Variants in FLRT2 observed in about 807,000 individuals in gnomAD.
FLRT2 encodes fibronectin leucine rich transmembrane protein 2, also known as leucine-rich repeat transmembrane protein FLRT2.
FLRT2 carries 15 observed loss-of-function variants against 40.0 expected under a neutral mutation model. The observed-to-expected ratio is 0.38, with a 90% CI of 0.25 to 0.58. FLRT2 has a LOEUF of 0.58. Among genes scored for constraint, FLRT2 ranks in the 20% least tolerant of loss-of-function variants. FLRT2 has a pLI of 0.71. For missense variants in FLRT2, 726 were observed against 840.0 expected (o/e 0.86, Z 1.68); for synonymous variants, 380 against 336.8 (o/e 1.13, Z -1.41).
chr14:85,619,820 G>T lies in FLRT2; in HGVS notation c.-376-1319G>T, dbSNP rs142857371. Among the ~76,000 whole-genome samples the T allele has an allele frequency of 2.4e-4, 37 of 152,292 alleles. No individual in the cohort carries two copies. The East Asian group carries it at 5.8e-3, about 24-fold the overall frequency. On this transcript the variant is annotated intron_variant, in intron 1 of 1. Coordinates refer to ENST00000330753, the MANE Select transcript of FLRT2 (RefSeq NM_013231.6). ...TACCTCTCTAATCTAAAAACAGATA[G>T]AATACATTCTGGAGCAAGAAGGCAT...
chr14:85,546,025 T>C (rs745522781), intron 1 of FLRT2, among the ~76,000 whole-genome samples: 1 of 152,180 alleles, frequency 6.6e-6, no homozygotes, highest in Admixed American at 6.5e-5. Flanking sequence ...TAAGCTTTTA[T>C]TGGGTGAAAA....
chr14:85,569,562 C>T (rs1890797184), intron 1 of FLRT2, among the ~76,000 whole-genome samples: 1 of 152,196 alleles, frequency 6.6e-6, no homozygotes, highest in South Asian at 2.1e-4. Flanking sequence ...CATTAGGAAC[C>T]AGGACACTGG....
intron 1 of FLRT2, among the ~76,000 whole-genome samples, chr14:85,593,228 T>C (rs1891982184): frequency 6.6e-6 from 1 of 152,234 alleles, no homozygotes; most frequent in Non-Finnish European, 1.5e-5. Context: ...TTAATTTTTT[T>C]TGAAGCATGG....
chr14:85,590,146 G>A (rs1003235830), intron 1 of FLRT2, among the ~76,000 whole-genome samples: 17 of 151,878 alleles, frequency 1.1e-4, no homozygotes, highest in African/African-American at 4.1e-4. Context: ...GGATTTTGCA[G>A]CATTCATGGT....
At chr14:85,617,994 C>A (rs1205524745) in intron 1 of FLRT2, among the ~76,000 whole-genome samples, 1 of 152,166 alleles carries the variant, frequency 6.6e-6, no homozygotes, top group Non-Finnish European at 1.5e-5. Context: ...GTAAAATATG[C>A]CTGCAAGAGA....
chr14:85,642,393 G>A lies in FLRT2; in HGVS notation c.*18896G>A, dbSNP rs1186624764. 5 of 152,144 alleles carry A rather than the reference G, an allele frequency of 3.3e-5. No homozygotes were observed. The highest frequency in any genetic ancestry group is 1.3e-4 in the Admixed American group (2 of 15,274). The allele number at this position is 152,144 out of a possible 1,614,324, so 9.4% of individuals were successfully genotyped here. ...TCCTTCATCTCTGTTATATAAGGTT[G>A]ATTCTGCCTTTGTGGGGAGAACTAA... On this transcript the variant is annotated 3_prime_UTR_variant, in exon 2 of 2. Transcript: ENST00000330753.
At chr14:85,564,090 C>A (rs1396266807) in intron 1 of FLRT2, among the ~76,000 whole-genome samples, 1 of 152,144 alleles carries the variant, frequency 6.6e-6, no homozygotes. Context: ...GTGGACAGAG[C>A]GTTTTGCTTT....
intron 1 of FLRT2, among the ~76,000 whole-genome samples, chr14:85,568,366 G>C (rs1890727830): frequency 6.6e-6 from 1 of 152,136 alleles, no homozygotes; most frequent in Non-Finnish European, 1.5e-5. Context: ...ATTGTAAGGA[G>C]AGTGAACATG....
intron 1 of FLRT2, among the ~76,000 whole-genome samples, chr14:85,608,852 G>T (rs1444083649): frequency 1.3e-5 from 2 of 152,116 alleles, no homozygotes; most frequent in East Asian, 3.9e-4. Context: ...ATGGGGAGAG[G>T]CCTGCTTTAG....
chr14:85,649,002 A>G lies in FLRT2; in HGVS notation c.*25505A>G, dbSNP rs1400385028. 1.3e-5 allele frequency: 2 copies of G among 152,150 alleles called. No individual in the cohort carries two copies. The highest frequency in any genetic ancestry group is 2.1e-4 in the South Asian group (1 of 4,826). 9.4% of individuals were successfully genotyped at this position (152,150 alleles called of 1,614,324 possible). A position where few individuals can be genotyped will look rare whatever the true frequency, so the allele number is the denominator to read the frequency against. On this transcript the variant is annotated 3_prime_UTR_variant, in exon 2 of 2. Transcript: ENST00000330753. ...TTCCTTTGCATCATAGCACCCATGCAAAATATTTTGGCTACAGGGAGTGCT... is the reference window on the plus strand; with the variant it reads ...TTCCTTTGCATCATAGCACCCATGCGAAATATTTTGGCTACAGGGAGTGCT...
intron 1 of FLRT2, among the ~76,000 whole-genome samples, chr14:85,553,548 A>G (rs913412812): frequency 2.6e-5 from 4 of 152,202 alleles, no homozygotes; most frequent in African/African-American, 9.6e-5. Context: ...TGGGTTGGAC[A>G]AGCTTGATCT....
chr14:85,564,178 A>G (rs528216906), intron 1 of FLRT2, among the ~76,000 whole-genome samples: 4 of 152,216 alleles, frequency 2.6e-5, no homozygotes, highest in East Asian at 1.9e-4. Flanking sequence ...CTGCCTGTAC[A>G]TAGGGAATAT....
At chr14:85,586,820 A>G (rs1337894800) in intron 1 of FLRT2, among the ~76,000 whole-genome samples, 4 of 152,236 alleles carry the variant, frequency 2.6e-5, no homozygotes, top group African/African-American at 9.6e-5. Context: ...GGCATGGTAG[A>G]TATAGAATCA....
At chr14:85,558,171 C>A (rs974823960) in intron 1 of FLRT2, among the ~76,000 whole-genome samples, 6 of 152,096 alleles carry the variant, frequency 3.9e-5, no homozygotes, top group African/African-American at 1.4e-4. Context: ...TGTGCATGTG[C>A]ATGTGCTTGT....
intron 1 of FLRT2, among the ~76,000 whole-genome samples, chr14:85,611,917 C>CAT (rs1428003696): frequency 2.4e-4 from 32 of 130,952 alleles, no homozygotes; most frequent in African/African-American, 9.1e-4. Context: ...TGCGCGAAAG[C>CAT]GTGTGTGTGT....
chr14:85,558,915 A>G (rs1890141165), intron 1 of FLRT2, among the ~76,000 whole-genome samples: 1 of 152,244 alleles, frequency 6.6e-6, no homozygotes, highest in Non-Finnish European at 1.5e-5. Context: ...AGTTATTTGC[A>G]TAGTTTTCTC....
chr14:85,541,005 T>C (rs1441530236), intron 1 of FLRT2, among the ~76,000 whole-genome samples: 1 of 152,164 alleles, frequency 6.6e-6, no homozygotes, highest in East Asian at 1.9e-4. Context: ...TCTTATGTAC[T>C]ATGGGGAGGA....
In FLRT2 at chr14:85,638,858, A is replaced by G. The variant is rs768739261; in HGVS notation, c.*15361A>G. The G allele has an allele frequency of 6.6e-6, 1 of 152,174 alleles. No homozygotes were observed. The highest frequency in any genetic ancestry group is 1.5e-5 in the Non-Finnish European group (1 of 68,032). 9.4% of individuals were successfully genotyped at this position (152,174 alleles called of 1,614,324 possible). A position where few individuals can be genotyped will look rare whatever the true frequency, so the allele number is the denominator to read the frequency against. On this transcript the variant is annotated 3_prime_UTR_variant, in exon 2 of 2. Coordinates refer to ENST00000330753, the MANE Select transcript of FLRT2 (RefSeq NM_013231.6). Reference sequence around the variant, plus strand: ...ACTGAACTTTTCCCCTTCTCTTATGATTGTCAAATAACCTTGTTATATGCT... The same window carrying G: ...ACTGAACTTTTCCCCTTCTCTTATGGTTGTCAAATAACCTTGTTATATGCT...
At chr14:85,576,304 T>C (rs149058902) in intron 1 of FLRT2, among the ~76,000 whole-genome samples, 84 of 152,346 alleles carry the variant, frequency 5.5e-4, no homozygotes, top group African/African-American at 2.0e-3. Context: ...AGCTGTGTAT[T>C]TCCATTACCA....
Sources: allele counts gnomAD v4.1 joint callset (sites outside exome capture counted in the v4.1 genomes callset), GRCh38; gene constraint gnomAD v4.1.1; transcripts MANE v1.5; gene names NCBI Gene and HGNC (gene_info 2026-07-23, HGNC 2026-07-21).